ARHGAP15: variants seen among roughly 807,000 people sequenced by gnomAD.
The protein encoded by ARHGAP15 is Rho GTPase activating protein 15.
Under a neutral mutation model 63.7 loss-of-function variants are expected in ARHGAP15, and 51 were observed. The observed-to-expected ratio is 0.80, with a 90% confidence interval of 0.64 to 1.01. The LOEUF is 1.01. ARHGAP15 is among the 50% of genes least tolerant of loss of function. The probability of loss-of-function intolerance (pLI) is 0.00; values close to 1 mark genes in which losing one functional copy is unlikely to be tolerated. For synonymous variants in ARHGAP15, 191 were observed against 193.8 expected (o/e 0.99, Z 0.12); for missense variants, 560 against 564.6 (o/e 0.99, Z 0.08).
chr2:143,667,271 G>A (rs1682256054), intron 12 of ARHGAP15, among the ~76,000 whole-genome samples: 1 of 149,792 alleles, frequency 6.7e-6, no homozygotes, highest in Non-Finnish European at 1.5e-5. Flanking sequence ...TGGTTTGTAG[G>A]GACATGGATG....
intron 13 of ARHGAP15, among the ~76,000 whole-genome samples, chr2:143,727,699 T>A (rs1372486244): frequency 2.6e-5 from 4 of 152,180 alleles, no homozygotes; most frequent in Non-Finnish European, 5.9e-5. Flanking sequence ...GCATGCATTG[T>A]AATGGTATGG....
chr2:143,352,449 T>C (rs1685612701), intron 6 of ARHGAP15, among the ~76,000 whole-genome samples: 1 of 152,216 alleles, frequency 6.6e-6, no homozygotes, highest in African/African-American at 2.4e-5. Flanking sequence ...TGGGGTTTCA[T>C]TTCAATCACT....
At chr2:143,412,630 C>T (rs904481701) in intron 6 of ARHGAP15, among the ~76,000 whole-genome samples, 1 of 152,030 alleles carries the variant, frequency 6.6e-6, no homozygotes, top group Admixed American at 6.5e-5. Context: ...TTTGTATTTA[C>T]TTATGGTATA....
chr2:143,728,034 A>G (rs1685360673), intron 13 of ARHGAP15, among the ~76,000 whole-genome samples: 1 of 152,236 alleles, frequency 6.6e-6, no homozygotes, highest in Non-Finnish European at 1.5e-5. Context: ...GGATAATCCC[A>G]GACTGTGTTA....
At chr2:143,343,220 T>G (rs1558907430) in intron 6 of ARHGAP15, among the ~76,000 whole-genome samples, 1 of 151,952 alleles carries the variant, frequency 6.6e-6, no homozygotes, top group Non-Finnish European at 1.5e-5. Flanking sequence ...CATGGATAAG[T>G]AGGAGCTCAC....
chr2:143,479,420 T>C (rs943942132), intron 8 of ARHGAP15, among the ~76,000 whole-genome samples: 1 of 152,108 alleles, frequency 6.6e-6, no homozygotes, highest in Non-Finnish European at 1.5e-5. Context: ...GTGGCCTGTT[T>C]TCTATCACTA....
chr2:143,685,854 G>A (rs1683310686), intron 12 of ARHGAP15, among the ~76,000 whole-genome samples: 1 of 152,156 alleles, frequency 6.6e-6, no homozygotes, highest in African/African-American at 2.4e-5. Context: ...TTTGGTAGTG[G>A]TTCAAAGTCA....
At chr2:143,192,182 T>C (rs1326262804) in intron 2 of ARHGAP15, among the ~76,000 whole-genome samples, 1 of 152,244 alleles carries the variant, frequency 6.6e-6, no homozygotes, top group Non-Finnish European at 1.5e-5. Context: ...TATGCACTTC[T>C]GGCTAGGGAA....
chr2:143,192,456 G>T (rs1294514548), intron 2 of ARHGAP15, among the ~76,000 whole-genome samples: 3 of 152,176 alleles, frequency 2.0e-5, no homozygotes, highest in Non-Finnish European at 4.4e-5. Flanking sequence ...ATACCTTCCG[G>T]CACAGCTCTC....
intron 12 of ARHGAP15, among the ~76,000 whole-genome samples, chr2:143,630,985 C>T (rs1329612202): frequency 6.6e-6 from 1 of 151,974 alleles, no homozygotes; most frequent in African/African-American, 2.4e-5. Context: ...TTCCCCTTTC[C>T]ACCTGCTCTG....
chr2:143,444,086 C>A (rs1289337849), intron 8 of ARHGAP15, among the ~76,000 whole-genome samples: 1 of 152,168 alleles, frequency 6.6e-6, no homozygotes, highest in East Asian at 1.9e-4. Flanking sequence ...TCTCAGTGCT[C>A]AAGCACTAGA....
At chr2:143,642,965 C>T (rs866552534) in intron 12 of ARHGAP15, among the ~76,000 whole-genome samples, 4 of 152,224 alleles carry the variant, frequency 2.6e-5, no homozygotes, top group Middle Eastern at 3.4e-3. Flanking sequence ...TCCCTGAAAG[C>T]AAAGCAGTAA....
intron 11 of ARHGAP15, chr2:143,564,125 G>T (rs1307194380): frequency 6.6e-6 from 1 of 152,230 alleles, no homozygotes; most frequent in Non-Finnish European, 1.5e-5. Context: ...TCCATCATTG[G>T]TTGTTGGCCA....
At chr2:143,627,823 G>T (rs1317439017) in intron 12 of ARHGAP15, among the ~76,000 whole-genome samples, 10 of 151,966 alleles carry the variant, frequency 6.6e-5, no homozygotes, top group African/African-American at 2.4e-4. Context: ...TGTTTTTGTG[G>T]GGTTTTTTTT....
intron 1 of ARHGAP15, among the ~76,000 whole-genome samples, chr2:143,135,149 G>A (rs1463045294): frequency 5.9e-5 from 9 of 152,168 alleles, no homozygotes; most frequent in Non-Finnish European, 1.0e-4. Flanking sequence ...CGTGAATGCA[G>A]ATGAATTGGA....
intron 2 of ARHGAP15, among the ~76,000 whole-genome samples, chr2:143,180,042 C>T (rs1691173266): frequency 6.6e-6 from 1 of 152,152 alleles, no homozygotes; most frequent in Non-Finnish European, 1.5e-5. Context: ...GTGGTGATTT[C>T]TGAAGGGCAA....
chr2:143,396,726 C>T (rs796818641), intron 6 of ARHGAP15, among the ~76,000 whole-genome samples: 4 of 151,666 alleles, frequency 2.6e-5, no homozygotes, highest in African/African-American at 7.3e-5. Context: ...GAATATCTGT[C>T]GCTCATCTAG....
At chr2:143,191,050 T>C (rs1194167845) in intron 2 of ARHGAP15, among the ~76,000 whole-genome samples, 1 of 152,230 alleles carries the variant, frequency 6.6e-6, no homozygotes, top group Non-Finnish European at 1.5e-5. Context: ...ATTACAGGCG[T>C]GAGCCACCGC....
At chr2:143,280,302 A>G (rs1305654751) in intron 6 of ARHGAP15, among the ~76,000 whole-genome samples, 4 of 152,132 alleles carry the variant, frequency 2.6e-5, no homozygotes, top group Non-Finnish European at 5.9e-5. Context: ...GGGCAACTCA[A>G]TAGGAGCAAG....
Sources: gnomAD v4.1 joint callset for allele counts (sites outside exome capture counted in the v4.1 genomes callset) on GRCh38, gnomAD v4.1.1 for gene constraint, MANE v1.5 for transcripts, NCBI Gene and HGNC (gene_info 2026-07-23, HGNC 2026-07-21) for gene names.